The following MYO1H variants were observed in gnomAD, a reference collection of about 807,000 sequenced individuals.
MYO1H encodes myosin IH, also known as unconventional myosin-Ih.
Under a neutral mutation model 149.3 loss-of-function variants are expected in MYO1H, and 118 were observed. The ratio of observed to expected loss-of-function variants is 0.79; its 90% CI spans 0.68 to 0.92. The LOEUF (loss-of-function observed/expected upper bound fraction) is 0.92, where lower values mean the gene tolerates loss of function less well. Ranked by LOEUF, MYO1H falls within the 40% of genes least tolerant of loss-of-function variation. The pLI is 0.00. For synonymous variants in MYO1H, 447 were observed against 465.2 expected, an observed-to-expected ratio of 0.96 and a Z score of 0.50; for missense variants, 1,212 against 1,280.7, an observed-to-expected ratio of 0.95 and a Z score of 0.82.
chr12:109,440,898 C>G, intron 25 of MYO1H, 71 bp downstream of exon 25: 2 of 1,087,604 alleles, frequency 1.8e-6, no homozygotes, highest in Non-Finnish European at 2.7e-6. Context: ...TGTCAGTCCT[C>G]CTCATCCACC....
chr12:109,358,132 T>C (rs1487563404), intron 1 of MYO1H, among the ~76,000 whole-genome samples: 1 of 151,616 alleles, frequency 6.6e-6, no homozygotes, highest in Non-Finnish European at 1.5e-5. Context: ...TGTTCTTAGG[T>C]TTGGCTCGAT....
chr12:109,409,154 G>C (rs150674916), intron 10 of MYO1H, among the ~76,000 whole-genome samples: 2 of 151,364 alleles, frequency 1.3e-5, no homozygotes, highest in African/African-American at 4.9e-5. Context: ...CTCTTACTTG[G>C]ATAGGCATCT....
At chr12:109,329,919 C>G in the MYO1H span, among the ~76,000 whole-genome samples, 1 of 152,136 alleles carries the variant, frequency 6.6e-6, no homozygotes, top group Non-Finnish European at 1.5e-5. Flanking sequence ...GATAGGACAG[C>G]CGTAGTCTCT....
intron 16 of MYO1H, 53 bp downstream of exon 16, chr12:109,421,080 A>C: frequency 8.1e-7 from 1 of 1,230,574 alleles, no homozygotes; most frequent in Non-Finnish European, 1.2e-6. Context: ...AATATTACCC[A>C]TGATAGTGAT....
At chr12:109,442,796 T>TG (rs749860118) in intron 27 of MYO1H, among the ~76,000 whole-genome samples, 1 of 89,820 alleles carries the variant, frequency 1.1e-5, no homozygotes, top group Admixed American at 1.1e-4. Flanking sequence ...GTGTCTGCTC[T>TG]TTTTTTTTTT....
At chr12:109,420,623 C>G (rs545102387) in intron 15 of MYO1H, among the ~76,000 whole-genome samples, 1 of 152,156 alleles carries the variant, frequency 6.6e-6, no homozygotes, top group Admixed American at 6.5e-5. Context: ...ATCCAATCAC[C>G]CCCAACCAGG....
intron 4 of MYO1H, 56 bp from the exon 5 acceptor site, chr12:109,397,676 G>A (rs2137045144): frequency 7.1e-7 from 1 of 1,416,910 alleles, no homozygotes. Flanking sequence ...TTGGGGTCAG[G>A]AATTTGATAC....
intron 2 of MYO1H, among the ~76,000 whole-genome samples, chr12:109,390,596 C>T (rs751462561): frequency 7.3e-5 from 11 of 151,598 alleles, no homozygotes; most frequent in Non-Finnish European, 1.5e-4. Flanking sequence ...ATATAAGTGC[C>T]AGTAGCGGGA....
intron 1 of MYO1H, among the ~76,000 whole-genome samples, chr12:109,359,049 G>A (rs951696840): frequency 1.3e-5 from 2 of 152,022 alleles, no homozygotes; most frequent in Admixed American, 6.6e-5. Context: ...AGCAAAGATG[G>A]TTTTCGGTGT....
chr12:109,391,961 C>A (rs1172815399), intron 2 of MYO1H, among the ~76,000 whole-genome samples: 1 of 152,106 alleles, frequency 6.6e-6, no homozygotes, highest in African/African-American at 2.4e-5. Context: ...GGATATTAGA[C>A]CTTTGTCAGG....
the MYO1H span, among the ~76,000 whole-genome samples, chr12:109,327,059 C>G: frequency 6.6e-6 from 1 of 151,428 alleles, no homozygotes; most frequent in East Asian, 1.9e-4. Context: ...GGGAACTCTT[C>G]CTTTATGCTA....
chr12:109,427,089 G>A (rs1029455732), intron 18 of MYO1H, among the ~76,000 whole-genome samples: 4 of 152,224 alleles, frequency 2.6e-5, no homozygotes, highest in African/African-American at 9.6e-5. Flanking sequence ...GCCGAGGCGG[G>A]TGGATCACCT....
At chr12:109,414,457 A>G (rs1276377378) in intron 14 of MYO1H, among the ~76,000 whole-genome samples, 1 of 148,464 alleles carries the variant, frequency 6.7e-6, no homozygotes, top group African/African-American at 2.5e-5. Context: ...CGCCTGGGAG[A>G]CAGAGTGAGA....
intron 11 of MYO1H, 60 bp from the exon 12 acceptor site, chr12:109,409,903 T>A (rs1324915795): frequency 3.0e-6 from 3 of 989,956 alleles, no homozygotes; most frequent in Non-Finnish European, 4.4e-6. Context: ...GAATATAATT[T>A]GTTTAAAAAA....
intron 15 of MYO1H, among the ~76,000 whole-genome samples, chr12:109,417,568 G>C (rs1005336486): frequency 2.0e-5 from 3 of 151,864 alleles, no homozygotes; most frequent in Admixed American, 6.6e-5. Context: ...ACCTCGTGAT[G>C]CACCCACCTT....
At chr12:109,339,356 C>G in the MYO1H span, among the ~76,000 whole-genome samples, 1 of 152,010 alleles carries the variant, frequency 6.6e-6, no homozygotes, top group African/African-American at 2.4e-5. Flanking sequence ...GGCAACAGAG[C>G]GAGCCTACTC....
At chr12:109,406,856 A>G (rs192967919) in exon 9 of MYO1H, 3 of 1,613,766 alleles carry the variant, frequency 1.9e-6, no homozygotes, top group African/African-American at 1.3e-5. Flanking sequence ...GCCAAAACTG[A>G]GGAGGTAAAA....
At chr12:109,328,245 C>T in the MYO1H span, among the ~76,000 whole-genome samples, 1 of 151,404 alleles carries the variant, frequency 6.6e-6, no homozygotes, top group African/African-American at 2.4e-5. Flanking sequence ...TTAGGTATTA[C>T]CAAGTGAACA....
At chr12:109,403,272 C>G (rs752095981) in intron 6 of MYO1H, among the ~76,000 whole-genome samples, 2 of 152,196 alleles carry the variant, frequency 1.3e-5, no homozygotes, top group African/African-American at 4.8e-5. Flanking sequence ...ATATCGGTCA[C>G]TTCACTAGGA....
Sources: allele counts gnomAD v4.1 joint callset (sites outside exome capture counted in the v4.1 genomes callset), GRCh38; gene constraint gnomAD v4.1.1; transcripts MANE v1.5; gene names NCBI Gene and HGNC (gene_info 2026-07-23, HGNC 2026-07-21).